Variants in FNIP2 observed in about 807,000 individuals in gnomAD.
FNIP2 encodes the protein folliculin interacting protein 2, also known as folliculin-interacting protein 2.
A neutral mutation model predicts 108.7 loss-of-function variants in FNIP2; 32 were observed. The observed-to-expected ratio is 0.29, with a 90% CI of 0.22 to 0.40. The LOEUF (loss-of-function observed/expected upper bound fraction) is 0.40. FNIP2 is among the 10% of genes least tolerant of loss of function. The pLI is 1.00. For synonymous variants in FNIP2, 480 were observed against 496.7 expected, an observed-to-expected ratio of 0.97 and a Z score of 0.45; for missense variants, 1,202 against 1,381.6, an observed-to-expected ratio of 0.87 and a Z score of 2.06.
At position 158,861,323 on chromosome 4, in the gene FNIP2, C is replaced by T; in HGVS notation, c.1149-19C>T. The T allele has an allele frequency of 1.3e-6, 2 of 1,597,570 alleles. No individual in the cohort carries two copies. Among genetic ancestry groups the T allele is most frequent in the Non-Finnish European group, 8.5e-7 (1 of 1,174,278 alleles). On this transcript the variant is annotated intron_variant, in intron 10 of 16. Coordinates refer to ENST00000264433, the MANE Select transcript of FNIP2 (RefSeq NM_020840.3). Reference sequence around the variant, plus strand: ...GTATTTCTGACACTTTTGTGTTTCCCTCTCTTTCTGTTCTATAGAGGAACT... The same window carrying T: ...GTATTTCTGACACTTTTGTGTTTCCTTCTCTTTCTGTTCTATAGAGGAACT...
rs1225398523 is a variant in FNIP2 at position 158,868,375 on chromosome 4, C to A, written c.1739C>A (p.Pro580His). The change falls in exon 13 of 17, where the codon CCC becomes CAC. Residue 580 changes from proline (P) to histidine (H), a missense_variant. Physicochemically the swap from Pro to His is moderately conservative, Grantham distance 77. Coordinates refer to ENST00000264433, the MANE Select transcript of FNIP2 (RefSeq NM_020840.3). This position sits in a 1 kb window ranked among gnomAD's most constrained non-coding sequence, Gnocchi z 4.6. ...ITVRNEPALV[P>H]PILPPTAAER... ...GTGAGGAACGAGCCCGCTCTTGTAC[C>A]CCCCATCCTACCACCAACAGCAGCA... 1.9e-6 allele frequency: 3 copies of A among 1,613,942 alleles called. No individual in the cohort carries two copies. Among genetic ancestry groups the A allele is most frequent in the Non-Finnish European group, 2.5e-6 (3 of 1,179,876 alleles).
chr4:158,817,041 C>T (rs912613547), intron 1 of FNIP2, among the ~76,000 whole-genome samples: 1 of 152,062 alleles, frequency 6.6e-6, no homozygotes, highest in Non-Finnish European at 1.5e-5. Flanking sequence ...CTATATTGCT[C>T]AAACTCCTGG....
At chr4:158,904,393 TAAAA>T in intron 16 of FNIP2, 69 bp from the exon 17 acceptor site, 1 of 1,352,296 alleles carries the variant, frequency 7.4e-7, no homozygotes, top group Non-Finnish European at 1.0e-6. Flanking sequence ...TACTTTCTCA[TAAAA>T]AGAAATAATA....
At chr4:158,883,194 T>TA (rs1196178638) in intron 14 of FNIP2, among the ~76,000 whole-genome samples, 1 of 152,122 alleles carries the variant, frequency 6.6e-6, no homozygotes, top group East Asian at 1.9e-4. Flanking sequence ...TGCTTCCAAT[T>TA]ACCTGAATCA....
chr4:158,811,161 C>T (rs1777246248), intron 1 of FNIP2, among the ~76,000 whole-genome samples: 1 of 152,052 alleles, frequency 6.6e-6, no homozygotes, highest in South Asian at 2.1e-4. Context: ...TTTATGAGTT[C>T]CCAAGGGGAT....
chr4:158,809,851 T>C (rs1777177608), intron 1 of FNIP2, among the ~76,000 whole-genome samples: 1 of 152,232 alleles, frequency 6.6e-6, no homozygotes, highest in Admixed American at 6.5e-5. Flanking sequence ...TGATTCTAAA[T>C]GAGTATATCC....
chr4:158,893,664 C>T (rs1311461785), intron 15 of FNIP2: 4 of 1,569,964 alleles, frequency 2.5e-6, no homozygotes, highest in Non-Finnish European at 2.6e-6. Context: ...TAGGCAGTTT[C>T]TCCTTCTAAA....
At chr4:158,851,233 A>G in intron 7 of FNIP2, 88 bp from the exon 8 acceptor site, 1 of 1,424,250 alleles carries the variant, frequency 7.0e-7, no homozygotes, top group Non-Finnish European at 9.8e-7. Flanking sequence ...GAGTTCAGTG[A>G]TATTAAATAC....
chr4:158,770,381 T>C (rs1233850547), intron 1 of FNIP2, among the ~76,000 whole-genome samples: 2 of 152,220 alleles, frequency 1.3e-5, no homozygotes, highest in Non-Finnish European at 1.5e-5. Context: ...CCAAAATGTC[T>C]TGCAAAAACA....
chr4:158,857,740 C>A (rs1445421277), intron 8 of FNIP2, among the ~76,000 whole-genome samples: 3 of 145,320 alleles, frequency 2.1e-5, no homozygotes, highest in Non-Finnish European at 4.5e-5. Flanking sequence ...CCCAGGAGTT[C>A]AAGACCAGCT....
intron 13 of FNIP2, 29 bp from the exon 14 acceptor site, chr4:158,870,284 G>A (rs1032656603): frequency 2.5e-6 from 4 of 1,602,658 alleles, no homozygotes; most frequent in South Asian, 1.1e-5. Flanking sequence ...TTTTAGCTGT[G>A]CATTTTAATG....
At chr4:158,853,405 CT>C (rs1779807557) in intron 8 of FNIP2, among the ~76,000 whole-genome samples, 1 of 152,132 alleles carries the variant, frequency 6.6e-6, no homozygotes, top group Non-Finnish European at 1.5e-5. Flanking sequence ...ACTTTAAGTT[CT>C]AAGGTACATG....
chr4:158,902,375 C>T (rs934829851), intron 16 of FNIP2, among the ~76,000 whole-genome samples: 3 of 152,160 alleles, frequency 2.0e-5, no homozygotes, highest in Non-Finnish European at 2.9e-5. Flanking sequence ...CCCAGAGGGG[C>T]ACCCACCAGA....
At chr4:158,897,700 G>A (rs1782815920) in intron 16 of FNIP2, among the ~76,000 whole-genome samples, 1 of 151,940 alleles carries the variant, frequency 6.6e-6, no homozygotes, top group South Asian at 2.1e-4. Flanking sequence ...TTTTTTTCTT[G>A]TAAATTTGTT....
At chr4:158,822,035 C>T (rs530487295) in intron 1 of FNIP2, among the ~76,000 whole-genome samples, 1 of 152,042 alleles carries the variant, frequency 6.6e-6, no homozygotes, top group Non-Finnish European at 1.5e-5. Context: ...CTATGGTGAA[C>T]CGAGATGGCG....
In FNIP2 at chr4:158,783,575, G is replaced by T. The variant is rs994774211; in HGVS notation, c.107+14256G>T. 2.0e-5 allele frequency among the ~76,000 whole-genome samples: 3 copies of T among 152,254 alleles called. No homozygotes were observed. The South Asian group carries it at 6.2e-4, about 32-fold the overall frequency. The stretch of plus-strand genomic sequence containing the variant: ...TGGCATGTGGATCTAGACCAACTCT[G>T]CCTGAAGCACTGAGGCAAGCAGGCT... On this transcript the variant is annotated intron_variant, in intron 1 of 16. Transcript: ENST00000264433.
chr4:158,825,771 G>C (rs1348945690), intron 1 of FNIP2, 145 bp from the exon 2 acceptor site: 10 of 961,868 alleles, frequency 1.0e-5, no homozygotes, highest in Non-Finnish European at 1.5e-5. Flanking sequence ...GCTCACTGGT[G>C]CCCCAGTTCT....
intron 1 of FNIP2, among the ~76,000 whole-genome samples, chr4:158,800,077 T>TTTA (rs1209369227): frequency 6.6e-6 from 1 of 152,184 alleles, no homozygotes; most frequent in Non-Finnish European, 1.5e-5. Flanking sequence ...CAAACACAGC[T>TTTA]TTATTGTAGC....
intron 1 of FNIP2, among the ~76,000 whole-genome samples, chr4:158,786,854 A>G (rs1210839110): frequency 1.3e-5 from 2 of 152,060 alleles, no homozygotes; most frequent in African/African-American, 4.8e-5. Context: ...TCTCTTCATG[A>G]TGCTATATTT....
Sources: allele counts gnomAD v4.1 joint callset (sites outside exome capture counted in the v4.1 genomes callset), GRCh38; gene constraint gnomAD v4.1.1; non-coding constraint Gnocchi (gnomAD v3.1); transcripts MANE v1.5; gene names NCBI Gene and HGNC (gene_info 2026-07-23, HGNC 2026-07-21).